The following PRKN variants were observed in gnomAD, a reference collection of about 807,000 sequenced individuals.
The protein encoded by PRKN is E3 ubiquitin-protein ligase parkin.
Under a neutral mutation model 59.5 loss-of-function variants are expected in PRKN, and 56 were observed. That is an observed-to-expected ratio of 0.94 (90% CI 0.76 to 1.18). The LOEUF (loss-of-function observed/expected upper bound fraction) is 1.18. Among genes scored for constraint, PRKN ranks in the 50% most tolerant of loss-of-function variants. The probability of loss-of-function intolerance (pLI) is 0.00; values close to 1 mark genes in which losing one functional copy is unlikely to be tolerated. For missense variants in PRKN, 657 were observed against 596.4 expected, an observed-to-expected ratio of 1.10 and a Z score of -1.06; for synonymous variants, 250 against 222.1, an observed-to-expected ratio of 1.13 and a Z score of -1.12.
chr6:161,687,083 C>T (rs1227853001), intron 7 of PRKN, among the ~76,000 whole-genome samples: 1 of 151,938 alleles, frequency 6.6e-6, no homozygotes, highest in East Asian at 1.9e-4. Flanking sequence ...GGACAATCCT[C>T]TTTTTTAAAG....
intron 2 of PRKN, among the ~76,000 whole-genome samples, chr6:162,376,043 A>G (rs1786055048): frequency 1.3e-5 from 2 of 152,092 alleles, no homozygotes; most frequent in Non-Finnish European, 2.9e-5. Context: ...AGAAACAAGA[A>G]CATCCTCTTC....
Position 161,385,284 on chromosome 6 carries a change from C to T in PRKN, c.1167+1510G>A, listed in dbSNP as rs1032349566. Among the ~76,000 whole-genome samples the T allele has an allele frequency of 2.6e-5, 4 of 152,152 alleles. No individual in the cohort carries two copies. On this transcript the variant is annotated intron_variant, in intron 10 of 11. Transcript: ENST00000366898. The surrounding 1 kb of genome is among the most constrained non-coding windows in gnomAD (Gnocchi z 4.9). ...AGAGTCTAGCAGCTGCTTGACCCAC[C>T]CAAATGCTCAACTTAATGTCTGCTA...
chr6:162,576,168 G>C (rs193206160), intron 1 of PRKN, among the ~76,000 whole-genome samples: 1 of 152,032 alleles, frequency 6.6e-6, no homozygotes, highest in Non-Finnish European at 1.5e-5. Context: ...CTGATTTCCA[G>C]TTTCCTGTCT....
At chr6:162,442,042 T>G (rs529902779) in intron 2 of PRKN, among the ~76,000 whole-genome samples, 2 of 151,040 alleles carry the variant, frequency 1.3e-5, no homozygotes, top group East Asian at 3.9e-4. Flanking sequence ...TTTTAGCACA[T>G]GCACTTCCCT....
chr6:162,191,051 C>T (rs968002584), intron 4 of PRKN, among the ~76,000 whole-genome samples: 1 of 152,172 alleles, frequency 6.6e-6, no homozygotes, highest in South Asian at 2.1e-4. Context: ...CTAGCCAAGT[C>T]TAGTACAGGC....
chr6:161,415,356 A>G (rs1787790812), intron 9 of PRKN, among the ~76,000 whole-genome samples: 1 of 152,082 alleles, frequency 6.6e-6, no homozygotes, highest in Non-Finnish European at 1.5e-5. Context: ...TTAGAGTCAA[A>G]TCTAGATTTG....
intron 4 of PRKN, among the ~76,000 whole-genome samples, chr6:162,194,027 T>G (rs1455053110): frequency 6.6e-6 from 1 of 152,202 alleles, no homozygotes; most frequent in African/African-American, 2.4e-5. Context: ...GAAAATGATT[T>G]GGAAAATGTT....
At chr6:162,290,342 T>C (rs1781372356) in intron 2 of PRKN, among the ~76,000 whole-genome samples, 1 of 152,212 alleles carries the variant, frequency 6.6e-6, no homozygotes, top group Admixed American at 6.5e-5. Context: ...GCAAGTCATT[T>C]TTCCACTCTT....
At chr6:162,707,254 A>AT (rs1318144417) in intron 1 of PRKN, among the ~76,000 whole-genome samples, 20 of 152,234 alleles carry the variant, frequency 1.3e-4, no homozygotes, top group Non-Finnish European at 2.6e-4. Context: ...AATATTAGTT[A>AT]TTAAGCAAAA....
At chr6:161,564,482 C>T (rs749570445) in intron 8 of PRKN, among the ~76,000 whole-genome samples, 1 of 152,208 alleles carries the variant, frequency 6.6e-6, no homozygotes, top group Non-Finnish European at 1.5e-5. Context: ...CTGCAATCTG[C>T]TTTCTCAATG....
intron 5 of PRKN, among the ~76,000 whole-genome samples, chr6:162,014,243 G>C (rs144276522): frequency 1.3e-5 from 2 of 152,292 alleles, no homozygotes; most frequent in Admixed American, 6.5e-5. Context: ...GCGGAGCATG[G>C]GCAGTTGAGC....
chr6:161,984,773 A>G (rs1036715358), intron 5 of PRKN, among the ~76,000 whole-genome samples: 6 of 152,166 alleles, frequency 3.9e-5, no homozygotes, highest in African/African-American at 9.7e-5. Flanking sequence ...ACTTGTGCAT[A>G]TGATCTTGCT....
chr6:161,547,524 A>C lies in PRKN; in HGVS notation c.1083+1330T>G, dbSNP rs1045690562. Among the ~76,000 whole-genome samples the C allele has an allele frequency of 6.6e-6, 1 of 152,254 alleles. No individual in the cohort carries two copies. The highest frequency in any genetic ancestry group is 1.9e-4 in the East Asian group (1 of 5,202). ...CCAGCAAAAGTCTCTACCTCCTAAG[A>C]AAAGTTAAAATCTTAAAATCCAGCT... On this transcript the variant is annotated intron_variant, in intron 9 of 11. Transcript: ENST00000366898. The surrounding 1 kb of genome is among the most constrained non-coding windows in gnomAD (Gnocchi z 4.0).
At chr6:162,502,229 T>C (rs1489583135) in intron 1 of PRKN, among the ~76,000 whole-genome samples, 1 of 152,166 alleles carries the variant, frequency 6.6e-6, no homozygotes, top group Non-Finnish European at 1.5e-5. Flanking sequence ...GGTGCGATCA[T>C]GTCTCACTGC....
chr6:161,431,599 CTTTT>C (rs1562444367), intron 9 of PRKN, among the ~76,000 whole-genome samples: 1 of 151,292 alleles, frequency 6.6e-6, no homozygotes, highest in African/African-American at 2.4e-5. Flanking sequence ...TTCTTTCTTT[CTTTT>C]CTTTTCTTTT....
intron 2 of PRKN, among the ~76,000 whole-genome samples, chr6:162,391,104 T>A (rs1787161059): frequency 6.6e-6 from 1 of 152,306 alleles, no homozygotes; most frequent in East Asian, 1.9e-4. Flanking sequence ...GATGTGAAAC[T>A]AAAAATGTTG....
chr6:162,216,302 G>A lies in PRKN; in HGVS notation c.413-15050C>T, dbSNP rs562980863. On this transcript the variant is annotated intron_variant, in intron 3 of 11. Coordinates refer to ENST00000366898, the MANE Select transcript of PRKN (RefSeq NM_004562.3). ...TCCCAGCACTTTGGGAGGCCGAGGC[G>A]GGTGGATCATGAGGTCAGGAGATCG... Among the ~76,000 whole-genome samples the A allele has an allele frequency of 8.6e-5, 13 of 151,452 alleles. 1 individual carries two copies. The highest frequency in any genetic ancestry group is 2.4e-4 in the African/African-American group (10 of 41,296).
At chr6:161,824,005 A>G (rs919923134) in intron 6 of PRKN, among the ~76,000 whole-genome samples, 2 of 152,244 alleles carry the variant, frequency 1.3e-5, no homozygotes, top group Non-Finnish European at 2.9e-5. Flanking sequence ...GCTGAGCTAT[A>G]TATGTGCAGT....
chr6:161,434,364 G>A (rs985596028), intron 9 of PRKN, among the ~76,000 whole-genome samples: 8 of 152,228 alleles, frequency 5.3e-5, no homozygotes, highest in African/African-American at 1.9e-4. Context: ...CCAGGCTAAC[G>A]TCTACGGTGC....
Sources: allele counts gnomAD v4.1 joint callset (sites outside exome capture counted in the v4.1 genomes callset), GRCh38; gene constraint gnomAD v4.1.1; non-coding constraint Gnocchi (gnomAD v3.1); transcripts MANE v1.5; gene names NCBI Gene and HGNC (gene_info 2026-07-23, HGNC 2026-07-21).